Variants in RNF43 observed in about 807,000 individuals in gnomAD.
The protein encoded by RNF43 is E3 ubiquitin-protein ligase RNF43.
RNF43 carries 37 observed loss-of-function variants against 78.4 expected under a neutral mutation model. The ratio of observed to expected loss-of-function variants is 0.47; its 90% CI spans 0.36 to 0.62. The LOEUF is 0.62. Ranked by LOEUF, RNF43 falls within the 20% of genes least tolerant of loss-of-function variation. The pLI is 0.00. For missense variants in RNF43, 774 were observed against 1,007.9 expected (o/e 0.77, Z 3.14); for synonymous variants, 347 against 395.0 (o/e 0.88, Z 1.44).
intron 2 of RNF43, among the ~76,000 whole-genome samples, chr17:58,378,487 G>A (rs1042601062): frequency 1.3e-5 from 2 of 152,124 alleles, no homozygotes; most frequent in African/African-American, 4.8e-5. Flanking sequence ...GAACTCCTGG[G>A]CTCAAGTGAT....
At chr17:58,368,264 T>C (rs908981712) in intron 3 of RNF43, among the ~76,000 whole-genome samples, 2 of 152,074 alleles carry the variant, frequency 1.3e-5, no homozygotes, top group Non-Finnish European at 2.9e-5. Flanking sequence ...AAACAGATGT[T>C]CGGCTGGGTG....
chr17:58,416,506 C>A (rs748184535), intron 1 of RNF43: 5 of 152,120 alleles, frequency 3.3e-5, no homozygotes, highest in Admixed American at 3.3e-4. Flanking sequence ...TGATTTTATT[C>A]TCCAGCTCGG....
chr17:58,352,639 G>A (rs1478771029), downstream of RNF43: 1 of 211,140 alleles, frequency 4.7e-6, no homozygotes, highest in Non-Finnish European at 9.6e-6. Flanking sequence ...CAGAGACCGA[G>A]AAGAAATCCA....
Position 58,360,703 on chromosome 17 carries a change from G to T in RNF43, c.849+80C>A. 7.0e-7 allele frequency: 1 copy of T among 1,438,190 alleles called. No individual in the cohort carries two copies. The allele number at this position is 1,438,190 out of a possible 1,614,324, so 89.1% of individuals were successfully genotyped here. A position where few individuals can be genotyped will look rare whatever the true frequency, so the allele number is the denominator to read the frequency against. On this transcript the variant is annotated intron_variant, in intron 7 of 9. Transcript: ENST00000407977. This position sits in a 1 kb window ranked among gnomAD's most constrained non-coding sequence, Gnocchi z 4.3. ...AGATGTAGCCAGGGTACCCATACCA[G>T]CCCCTAGGCCTGCCCACCCCTCCCC...
intron 2 of RNF43, among the ~76,000 whole-genome samples, chr17:58,414,272 TTC>T (rs1974082862): frequency 6.6e-6 from 1 of 152,224 alleles, no homozygotes; most frequent in South Asian, 2.1e-4. Context: ...TTTTCCTATC[TTC>T]TTTAAGTAGA....
intron 2 of RNF43, among the ~76,000 whole-genome samples, chr17:58,388,158 T>C (rs1056053663): frequency 2.0e-5 from 3 of 152,212 alleles, no homozygotes; most frequent in African/African-American, 7.2e-5. Context: ...GGCCATACTT[T>C]TGTTTTTAGG....
At chr17:58,366,750 C>A (rs1302390062) in intron 3 of RNF43, among the ~76,000 whole-genome samples, 8 of 152,144 alleles carry the variant, frequency 5.3e-5, no homozygotes, top group African/African-American at 1.9e-4. Flanking sequence ...ATAAACGAAT[C>A]CACACAAAGC....
chr17:58,352,776 G>T (rs1972586992), downstream of RNF43: 1 of 217,774 alleles, frequency 4.6e-6, no homozygotes, highest in African/African-American at 2.3e-5. Flanking sequence ...AACTCCGTCT[G>T]TTTGCTCGTT....
chr17:58,356,821 C>A (rs1337891952), intron 9 of RNF43, among the ~76,000 whole-genome samples: 1 of 151,438 alleles, frequency 6.6e-6, no homozygotes, highest in Non-Finnish European at 1.5e-5. Flanking sequence ...TAGAACTAAA[C>A]CAGTTATTAA....
At chr17:58,410,473 T>A (rs1974006103) in intron 2 of RNF43, among the ~76,000 whole-genome samples, 1 of 152,208 alleles carries the variant, frequency 6.6e-6, no homozygotes, top group Non-Finnish European at 1.5e-5. Flanking sequence ...TGCACCTTCA[T>A]TTACATAAGT....
chr17:58,400,809 A>C (rs968200281), intron 2 of RNF43, among the ~76,000 whole-genome samples: 8 of 152,158 alleles, frequency 5.3e-5, no homozygotes, highest in African/African-American at 1.9e-4. Flanking sequence ...TTGGTGATAG[A>C]AATTATGTTC....
At chr17:58,396,009 C>G (rs926157285) in intron 2 of RNF43, among the ~76,000 whole-genome samples, 1 of 152,124 alleles carries the variant, frequency 6.6e-6, no homozygotes, top group Non-Finnish European at 1.5e-5. Context: ...GTTAATGTAG[C>G]CTGCAGAAAA....
intron 2 of RNF43, among the ~76,000 whole-genome samples, chr17:58,379,077 T>C (rs1973262118): frequency 6.6e-6 from 1 of 152,102 alleles, no homozygotes; most frequent in African/African-American, 2.4e-5. Context: ...GTCAACCTAG[T>C]CAACACCCAG....
chr17:58,378,357 A>G (rs1973248617), intron 2 of RNF43, among the ~76,000 whole-genome samples: 1 of 152,136 alleles, frequency 6.6e-6, no homozygotes, highest in Admixed American at 6.6e-5. Flanking sequence ...TCCTGGGCTC[A>G]AGCAATCCTC....
intron 2 of RNF43, among the ~76,000 whole-genome samples, chr17:58,390,202 C>T (rs1006584549): frequency 1.1e-4 from 16 of 151,900 alleles, no homozygotes; most frequent in South Asian, 8.3e-4. Context: ...AATGGTGCCC[C>T]GAAAGCTGAG....
intron 5 of RNF43, among the ~76,000 whole-genome samples, chr17:58,362,922 G>T (rs1972868142): frequency 6.6e-6 from 1 of 152,210 alleles, no homozygotes; most frequent in Non-Finnish European, 1.5e-5. Context: ...CTGCAAGGTG[G>T]GAGTTTCTTG....
intron 2 of RNF43, among the ~76,000 whole-genome samples, chr17:58,400,967 C>A (rs1270080271): frequency 6.6e-6 from 1 of 151,948 alleles, no homozygotes; most frequent in African/African-American, 2.4e-5. Context: ...TGCCTAATCA[C>A]AGAGCATTCA....
chr17:58,389,142 G>T (rs1426504600), intron 2 of RNF43, among the ~76,000 whole-genome samples: 1 of 152,160 alleles, frequency 6.6e-6, no homozygotes, highest in Non-Finnish European at 1.5e-5. Context: ...ATCAATTAGA[G>T]AGCTGTTCCA....
intron 3 of RNF43, among the ~76,000 whole-genome samples, chr17:58,364,006 G>A (rs1410837995): frequency 6.6e-6 from 1 of 152,188 alleles, no homozygotes; most frequent in Admixed American, 6.5e-5. Flanking sequence ...AGAAGGAGAA[G>A]AGAGAGGAAG....
Sources: allele counts gnomAD v4.1 joint callset (sites outside exome capture counted in the v4.1 genomes callset), GRCh38; gene constraint gnomAD v4.1.1; non-coding constraint Gnocchi (gnomAD v3.1); transcripts MANE v1.5; gene names NCBI Gene and HGNC (gene_info 2026-07-23, HGNC 2026-07-21).